Variants in ARFIP1 observed in about 807,000 individuals in gnomAD.
ARFIP1 encodes the protein ARF interacting protein 1, also known as arfaptin-1.
A neutral mutation model predicts 42.5 loss-of-function variants in ARFIP1; 24 were observed. The observed-to-expected ratio is 0.57, with a 90% CI of 0.41 to 0.80. The LOEUF is 0.80. ARFIP1 is among the 30% of genes least tolerant of loss of function. The pLI, the probability that ARFIP1 is intolerant of heterozygous loss-of-function variation, is 0.00. For missense variants in ARFIP1, 354 were observed against 434.0 expected (o/e 0.82, Z 1.64); for synonymous variants, 141 against 153.7 (o/e 0.92, Z 0.61).
intron 1 of ARFIP1, among the ~76,000 whole-genome samples, chr4:152,813,030 C>T (rs1292286413): frequency 6.6e-6 from 1 of 152,210 alleles, no homozygotes; most frequent in Non-Finnish European, 1.5e-5. Flanking sequence ...AGCCTCCCAC[C>T]AGGCTGTTTA....
intron 2 of ARFIP1, among the ~76,000 whole-genome samples, chr4:152,847,290 G>A (rs1360823351): frequency 6.6e-6 from 1 of 151,218 alleles, no homozygotes; most frequent in Non-Finnish European, 1.5e-5. Context: ...GTGCCACCAC[G>A]CCCGGCTAAT....
intron 8 of ARFIP1, among the ~76,000 whole-genome samples, chr4:152,906,258 A>G (rs1343455837): frequency 6.6e-6 from 1 of 152,202 alleles, no homozygotes; most frequent in Non-Finnish European, 1.5e-5. Context: ...CTGTATATTA[A>G]TGACTCCCAA....
intron 1 of ARFIP1, among the ~76,000 whole-genome samples, chr4:152,789,155 A>G (rs957178162): frequency 2.8e-5 from 4 of 143,584 alleles, no homozygotes; most frequent in Non-Finnish European, 4.5e-5. Context: ...CAGTAACGCA[A>G]TCTCGGCTCA....
At chr4:152,865,378 C>G (rs1734243059) in intron 3 of ARFIP1, among the ~76,000 whole-genome samples, 1 of 152,158 alleles carries the variant, frequency 6.6e-6, no homozygotes, top group African/African-American at 2.4e-5. Context: ...CTCAGGCAGT[C>G]CTCCTGCCTG....
intron 1 of ARFIP1, among the ~76,000 whole-genome samples, chr4:152,808,661 T>A (rs1729204592): frequency 6.6e-6 from 1 of 152,136 alleles, no homozygotes; most frequent in Admixed American, 6.5e-5. Flanking sequence ...TGTCAGTCTT[T>A]CTAGTTTCCG....
At chr4:152,842,000 C>T (rs572850132) in intron 2 of ARFIP1, among the ~76,000 whole-genome samples, 7 of 152,232 alleles carry the variant, frequency 4.6e-5, no homozygotes, top group African/African-American at 7.2e-5. Context: ...CTGTTGAGAG[C>T]GGGGACTGAG....
At chr4:152,822,048 CAAT>C (rs1730410866) in intron 1 of ARFIP1, among the ~76,000 whole-genome samples, 1 of 151,796 alleles carries the variant, frequency 6.6e-6, no homozygotes, top group Non-Finnish European at 1.5e-5. Context: ...TTTCATAAAA[CAAT>C]AATACAGTGA....
intron 1 of ARFIP1, among the ~76,000 whole-genome samples, chr4:152,814,259 G>GT (rs1221380397): frequency 6.6e-6 from 1 of 151,770 alleles, no homozygotes; most frequent in Admixed American, 6.6e-5. Flanking sequence ...CCTAGCTAAT[G>GT]TTTTTTGTAT....
At chr4:152,816,673 G>T (rs1431020063) in intron 1 of ARFIP1, among the ~76,000 whole-genome samples, 2 of 152,176 alleles carry the variant, frequency 1.3e-5, no homozygotes, top group South Asian at 2.1e-4. Context: ...AGGGGGCTTT[G>T]TCCGTTTTGT....
intron 8 of ARFIP1, 21 bp from the exon 9 acceptor site, chr4:152,910,043 G>T: frequency 6.2e-7 from 1 of 1,610,524 alleles, no homozygotes; most frequent in Non-Finnish European, 8.5e-7. Flanking sequence ...GCTTGGTCTT[G>T]TAACTCTGCC....
At chr4:152,884,173 CT>C (rs1215815442) in intron 7 of ARFIP1, among the ~76,000 whole-genome samples, 1 of 151,830 alleles carries the variant, frequency 6.6e-6, no homozygotes, top group Non-Finnish European at 1.5e-5. Context: ...TTCTTATTGA[CT>C]TGAAAATGAA....
At chr4:152,898,593 T>TA (rs1289671809) in intron 8 of ARFIP1, among the ~76,000 whole-genome samples, 1 of 152,188 alleles carries the variant, frequency 6.6e-6, no homozygotes, top group Non-Finnish European at 1.5e-5. Context: ...AGAGGCAACT[T>TA]ACAGTCTAAA....
intron 2 of ARFIP1, among the ~76,000 whole-genome samples, chr4:152,855,240 C>T (rs191557197): frequency 2.8e-4 from 43 of 152,068 alleles, no homozygotes; most frequent in East Asian, 2.7e-3. Context: ...CTGGGCTGGG[C>T]AATGCTGTGG....
intron 8 of ARFIP1, 112 bp from the exon 9 acceptor site, chr4:152,909,952 C>A: frequency 7.3e-7 from 1 of 1,363,296 alleles, no homozygotes; most frequent in Non-Finnish European, 1.0e-6. Flanking sequence ...ATTATTAAGC[C>A]AGCTTTTCTT....
At chr4:152,827,468 T>C (rs1318067702) in intron 1 of ARFIP1, among the ~76,000 whole-genome samples, 1 of 152,164 alleles carries the variant, frequency 6.6e-6, no homozygotes, top group African/African-American at 2.4e-5. Context: ...TGTTGTACAT[T>C]CTGTGGATTT....
At chr4:152,891,900 G>T (rs894713999) in intron 8 of ARFIP1, among the ~76,000 whole-genome samples, 8 of 151,824 alleles carry the variant, frequency 5.3e-5, no homozygotes, top group African/African-American at 9.7e-5. Context: ...GTAGAAACAG[G>T]TTTCACCATG....
chr4:152,828,129 C>T (rs1730981482), intron 1 of ARFIP1, among the ~76,000 whole-genome samples: 1 of 152,174 alleles, frequency 6.6e-6, no homozygotes, highest in South Asian at 2.1e-4. Context: ...CAAGTTTTGG[C>T]AATTATAAAT....
At position 152,794,210 on chromosome 4, in the gene ARFIP1, A is replaced by G. The variant is rs1377320786; in HGVS notation, c.-10+13984A>G. The stretch of plus-strand genomic sequence containing the variant: ...TTATTAGAATGAAACCAAATTTTCA[A>G]CTACTGTCTGTTTTCAGTCCCAGGG... On this transcript the variant is annotated intron_variant, in intron 1 of 8. Transcript: ENST00000353617. 3.3e-5 allele frequency among the ~76,000 whole-genome samples: 5 copies of G among 152,294 alleles called. No individual in the cohort carries two copies. The East Asian group carries it at 7.7e-4, about 23-fold the overall frequency.
rs1336416410 is a variant in ARFIP1 at position 152,872,608 on chromosome 4, A to G, written c.411+44A>G. 6.0e-6 allele frequency: 7 copies of G among 1,170,202 alleles called. No individual in the cohort carries two copies. In the East Asian group the frequency reaches 1.9e-4, roughly 31 times the overall value. 72.5% of individuals were successfully genotyped at this position (1,170,202 alleles called of 1,614,324 possible). On this transcript the variant is annotated intron_variant, in intron 5 of 8. Coordinates refer to ENST00000353617, the MANE Select transcript of ARFIP1 (RefSeq NM_001025595.3). ...TTTCCACCCTAAATGGCTCTAAAAA[A>G]GTTCATTTATATGTTTATTCAAGTC...
Sources: gnomAD v4.1 joint callset for allele counts (sites outside exome capture counted in the v4.1 genomes callset) on GRCh38, gnomAD v4.1.1 for gene constraint, MANE v1.5 for transcripts, NCBI Gene and HGNC (gene_info 2026-07-23, HGNC 2026-07-21) for gene names.